The following DLG2 variants were observed in gnomAD, a reference collection of about 807,000 sequenced individuals.
DLG2 encodes disks large homolog 2.
In DLG2, 45 loss-of-function variants were observed where a neutral mutation model predicts 132.5. The ratio of observed to expected loss-of-function variants is 0.34; its 90% confidence interval spans 0.27 to 0.44. The LOEUF is 0.44. Among genes scored for constraint, DLG2 ranks in the 20% least tolerant of loss-of-function variants. DLG2 has a pLI of 1.00. For synonymous variants in DLG2, 424 were observed against 419.6 expected (o/e 1.01, Z -0.13); for missense variants, 1,045 against 1,196.9 (o/e 0.87, Z 1.87).
intron 12 of DLG2, 91 bp downstream of exon 12, chr11:83,980,415 G>C (rs10792700): frequency 0.76 from 1,047,572 of 1,379,594 alleles, 403,107 homozygotes; most frequent in Non-Finnish European, 0.79. Context: ...GTGGTATTTT[G>C]TGATGGCAGC....
At chr11:84,693,206 AAG>A (rs1182128593) in intron 6 of DLG2, among the ~76,000 whole-genome samples, 1 of 151,836 alleles carries the variant, frequency 6.6e-6, no homozygotes, top group East Asian at 1.9e-4. Flanking sequence ...TGTGGAAAGT[AAG>A]ACCACATAAC....
chr11:83,720,660 C>T (rs1456044311), intron 18 of DLG2, among the ~76,000 whole-genome samples: 5 of 151,778 alleles, frequency 3.3e-5, no homozygotes, highest in Non-Finnish European at 4.4e-5. Context: ...ATTCACAGTC[C>T]GTCTTGAATA....
chr11:83,467,307 T>A (rs1039620569), intron 25 of DLG2, among the ~76,000 whole-genome samples: 3 of 152,118 alleles, frequency 2.0e-5, no homozygotes, highest in African/African-American at 7.2e-5. Flanking sequence ...GAATTGTTGG[T>A]TGGAAAAAAT....
intron 6 of DLG2, among the ~76,000 whole-genome samples, chr11:84,551,873 T>C (rs977131174): frequency 5.3e-5 from 8 of 152,196 alleles, no homozygotes; most frequent in Admixed American, 5.2e-4. Context: ...ACCTAGTTAA[T>C]GACACTGCCA....
chr11:84,524,256 A>G (rs1221720922), intron 7 of DLG2, among the ~76,000 whole-genome samples: 1 of 152,220 alleles, frequency 6.6e-6, no homozygotes, highest in African/African-American at 2.4e-5. Context: ...GGTTCTAAAA[A>G]GAATTCTTAT....
intron 11 of DLG2, among the ~76,000 whole-genome samples, chr11:83,983,890 T>TA (rs2093017274): frequency 6.6e-6 from 1 of 152,186 alleles, no homozygotes; most frequent in East Asian, 1.9e-4. Flanking sequence ...AGGGAAGTTT[T>TA]AAAAAATGTA....
chr11:83,492,271 G>A (rs556354927), intron 21 of DLG2, among the ~76,000 whole-genome samples: 5 of 151,938 alleles, frequency 3.3e-5, no homozygotes, highest in Non-Finnish European at 5.9e-5. Flanking sequence ...TTCCTGAAAC[G>A]CTTGCTTCCT....
At chr11:84,080,001 ATTACAGCCT>A (rs2096881073) in intron 10 of DLG2, among the ~76,000 whole-genome samples, 1 of 152,186 alleles carries the variant, frequency 6.6e-6, no homozygotes, top group Non-Finnish European at 1.5e-5. Flanking sequence ...AGGTCATGCC[ATTACAGCCT>A]TTCACAGCAC....
intron 6 of DLG2, among the ~76,000 whole-genome samples, chr11:84,752,936 T>A (rs2066363889): frequency 6.6e-6 from 1 of 151,980 alleles, no homozygotes; most frequent in Admixed American, 6.6e-5. Context: ...CCATGGTGTA[T>A]ATGTGCCACA....
intron 14 of DLG2, among the ~76,000 whole-genome samples, chr11:83,957,366 C>G (rs1260749883): frequency 2.0e-5 from 3 of 152,146 alleles, no homozygotes. Context: ...GGTCAGTAGT[C>G]AAAACAGTCT....
intron 6 of DLG2, among the ~76,000 whole-genome samples, chr11:84,878,971 T>G (rs775813098): frequency 5.3e-5 from 8 of 152,158 alleles, no homozygotes; most frequent in Non-Finnish European, 7.4e-5. Context: ...GTGGTTGAGG[T>G]AGGATTACAT....
At chr11:84,226,022 G>A (rs1438406603) in intron 8 of DLG2, among the ~76,000 whole-genome samples, 1 of 152,158 alleles carries the variant, frequency 6.6e-6, no homozygotes, top group African/African-American at 2.4e-5. Flanking sequence ...TGTTGGCCAG[G>A]CTGGTGTCAA....
chr11:85,137,808 T>A (rs938193692), intron 5 of DLG2, among the ~76,000 whole-genome samples: 4 of 152,110 alleles, frequency 2.6e-5, no homozygotes, highest in African/African-American at 9.7e-5. Flanking sequence ...CTGCAAAGCT[T>A]GTTAGCTTAG....
intron 6 of DLG2, among the ~76,000 whole-genome samples, chr11:84,537,086 T>C (rs1264256404): frequency 6.6e-6 from 1 of 151,860 alleles, no homozygotes; most frequent in African/African-American, 2.4e-5. Flanking sequence ...CTATATATGC[T>C]GAACCCCCAT....
intron 11 of DLG2, among the ~76,000 whole-genome samples, chr11:84,046,857 A>G (rs538678683): frequency 6.6e-6 from 1 of 151,768 alleles, no homozygotes; most frequent in Admixed American, 6.6e-5. Flanking sequence ...GCGATAAAGT[A>G]CCCAAAGTAT....
intron 18 of DLG2, among the ~76,000 whole-genome samples, chr11:83,738,224 A>G (rs1182283495): frequency 6.6e-6 from 1 of 152,154 alleles, no homozygotes; most frequent in African/African-American, 2.4e-5. Flanking sequence ...ACCAGCCACC[A>G]TTACAATGTT....
chr11:83,495,951 A>G (rs2094127428), intron 21 of DLG2, among the ~76,000 whole-genome samples: 3 of 152,148 alleles, frequency 2.0e-5, no homozygotes, highest in African/African-American at 7.2e-5. Context: ...TAAAAAGCAC[A>G]AATGATAAAT....
At chr11:83,833,003 T>A (rs1441217512) in intron 17 of DLG2, among the ~76,000 whole-genome samples, 1 of 152,166 alleles carries the variant, frequency 6.6e-6, no homozygotes, top group East Asian at 1.9e-4. Context: ...AAGTAATATA[T>A]CATTTTTAAA....
chr11:84,978,750 A>G (rs558531706), intron 6 of DLG2, among the ~76,000 whole-genome samples: 12 of 152,344 alleles, frequency 7.9e-5, no homozygotes, highest in African/African-American at 2.6e-4. Context: ...GGACACAGGC[A>G]TGGGCAAGGA....
Sources: gnomAD v4.1 joint callset for allele counts (sites outside exome capture counted in the v4.1 genomes callset) on GRCh38, gnomAD v4.1.1 for gene constraint, MANE v1.5 for transcripts, NCBI Gene and HGNC (gene_info 2026-07-23, HGNC 2026-07-21) for gene names.